Variants in MOK observed in about 807,000 individuals in gnomAD.
The protein encoded by MOK is MOK protein kinase, also known as MAPK/MAK/MRK overlapping kinase.
MOK carries 59 observed loss-of-function variants against 54.2 expected under a neutral mutation model. The observed-to-expected ratio is 1.09, with a 90% CI of 0.88 to 1.35. The LOEUF (loss-of-function observed/expected upper bound fraction) is 1.35. Among genes scored for constraint, MOK ranks in the 40% most tolerant of loss-of-function variants. MOK has a pLI of 0.00. For missense variants in MOK, 517 were observed against 526.2 expected (o/e 0.98, Z 0.17); for synonymous variants, 210 against 202.7 (o/e 1.04, Z -0.31).
At chr14:102,271,193 C>T (rs1189760491) in intron 2 of MOK, among the ~76,000 whole-genome samples, 1 of 152,100 alleles carries the variant, frequency 6.6e-6, no homozygotes, top group African/African-American at 2.4e-5. Flanking sequence ...TCAAAAGAAA[C>T]AAAAGGAAAT....
intron 2 of MOK, among the ~76,000 whole-genome samples, chr14:102,282,816 C>T (rs1313531477): frequency 6.6e-6 from 1 of 151,918 alleles, no homozygotes; most frequent in Non-Finnish European, 1.5e-5. Context: ...CTTTGGAAGG[C>T]CAAGGCGGGC....
chr14:102,229,618 G>A lies in MOK; in HGVS notation c.1021C>T (p.Arg341Ter). The change falls in exon 11 of 12, where the codon CGA becomes TGA. Residue 341 changes from arginine to a stop codon, truncating the protein, a stop_gained. Transcript: ENST00000361847. LOFTEE classifies it high-confidence loss of function. ...AGTTCCATGACATAGGCCGGTCCTC[G>A]TCTCTTGGGACGGTCCTCCTCTTGC... is the stretch of plus-strand genomic sequence containing the variant. ...LKQEEDRPKR[R>*]GPAYVMELPK... The A allele has an allele frequency of 5.0e-6, 8 of 1,614,080 alleles. No individual in the cohort carries two copies. The highest frequency in any genetic ancestry group is 2.2e-5 in the South Asian group (2 of 91,066).
chr14:102,222,535 T>C (rs546683192), downstream of MOK, among the ~76,000 whole-genome samples: 1 of 152,242 alleles, frequency 6.6e-6, no homozygotes, highest in African/African-American at 2.4e-5. The surrounding 1 kb of genome is among the most constrained non-coding windows in gnomAD (Gnocchi z 4.4). Flanking sequence ...AAGAACCTGT[T>C]CTCAGGTGCT....
At chr14:102,222,911 C>G (rs1332456225), downstream of MOK, 1 of 1,613,636 alleles carries the variant, frequency 6.2e-7, no homozygotes, top group Non-Finnish European at 8.5e-7. The surrounding 1 kb of genome is among the most constrained non-coding windows in gnomAD (Gnocchi z 4.4). Flanking sequence ...GCACAGTCTC[C>G]CGGGACTTGG....
At chr14:102,272,475 A>G (rs958683690) in intron 2 of MOK, among the ~76,000 whole-genome samples, 1 of 151,832 alleles carries the variant, frequency 6.6e-6, no homozygotes, top group African/African-American at 2.4e-5. Context: ...AGACTCCATC[A>G]CGAAAAAAAA....
chr14:102,302,626 G>A (rs1467798822), intron 1 of MOK, among the ~76,000 whole-genome samples: 1 of 151,426 alleles, frequency 6.6e-6, no homozygotes. Flanking sequence ...CGTGTTAGCT[G>A]GGATGGTATT....
At chr14:102,222,501 C>T (rs377062354), downstream of MOK, among the ~76,000 whole-genome samples, 1 of 152,352 alleles carries the variant, frequency 6.6e-6, no homozygotes, top group Admixed American at 6.5e-5. The surrounding 1 kb of genome is among the most constrained non-coding windows in gnomAD (Gnocchi z 4.4). Flanking sequence ...GAGGCACCTG[C>T]ACCTTTGGGT....
intron 7 of MOK, among the ~76,000 whole-genome samples, chr14:102,246,520 C>T (rs2066104480): frequency 6.6e-6 from 1 of 152,150 alleles, no homozygotes; most frequent in African/African-American, 2.4e-5. Flanking sequence ...AACTCCAATT[C>T]CTCTCTGGCA....
At chr14:102,257,078 C>T (rs2067024313) in intron 4 of MOK, among the ~76,000 whole-genome samples, 1 of 151,158 alleles carries the variant, frequency 6.6e-6, no homozygotes, top group Non-Finnish European at 1.5e-5. Flanking sequence ...TTGGCTTGCT[C>T]AGGTCCTATC....
At chr14:102,250,741 G>A in intron 7 of MOK, 71 bp downstream of exon 7, 2 of 1,444,484 alleles carry the variant, frequency 1.4e-6, no homozygotes, top group Non-Finnish European at 1.9e-6. Context: ...GGATTGTAAA[G>A]GAAGGAGCAC....
At chr14:102,224,873 C>T, downstream of MOK, 2 of 445,410 alleles carry the variant, frequency 4.5e-6, no homozygotes, top group South Asian at 3.2e-5. Flanking sequence ...TAGACACATG[C>T]AGAGTGACCT....
At chr14:102,264,928 T>C (rs868653981) in intron 3 of MOK, among the ~76,000 whole-genome samples, 2 of 152,162 alleles carry the variant, frequency 1.3e-5, no homozygotes, top group South Asian at 2.1e-4. Flanking sequence ...CAAAACCCTG[T>C]AGCCTGACTC....
chr14:102,263,557 T>A lies in MOK; in HGVS notation c.272A>T (p.Glu91Val). Residue 91 changes from glutamate (E) to valine (V), a missense_variant, in exon 4 of 12, where the codon GAG becomes GTG. Glu to Val is a moderately radical substitution (Grantham distance 121, BLOSUM62 -2). Transcript: ENST00000361847. ...ATTATTCTACGTACCTCGTATTAGC[T>A]CATAAATATTCATGTCCATAAGTTC... is the stretch of plus-strand genomic sequence containing the variant. ...ICELMDMNIY[E>V]LIRGRRYPLS... The A allele has an allele frequency of 6.2e-7, 1 of 1,603,314 alleles. No individual in the cohort carries two copies. The highest frequency in any genetic ancestry group is 8.5e-7 in the Non-Finnish European group (1 of 1,174,240).
intron 1 of MOK, among the ~76,000 whole-genome samples, chr14:102,286,158 G>T (rs972758110): frequency 5.8e-4 from 88 of 151,664 alleles, no homozygotes; most frequent in African/African-American, 1.9e-3. Context: ...AATTAGCCGG[G>T]CGTGGTGGCG....
intron 7 of MOK, chr14:102,237,892 A>C (rs945142000): frequency 2.0e-5 from 3 of 152,208 alleles, no homozygotes; most frequent in African/African-American, 7.2e-5. Context: ...CAGTCCTCAT[A>C]ATCTACAGGA....
chr14:102,302,818 G>T (rs9743505), intron 1 of MOK, among the ~76,000 whole-genome samples: 32,000 of 150,970 alleles, frequency 0.21, 4,803 homozygotes, highest in African/African-American at 0.43. Context: ...AATATATATA[G>T]AGAGAGTAAA....
intron 3 of MOK, among the ~76,000 whole-genome samples, 184 bp downstream of exon 3, chr14:102,265,639 T>C (rs2067839665): frequency 6.6e-6 from 1 of 151,614 alleles, no homozygotes; most frequent in Admixed American, 6.6e-5. Flanking sequence ...TCTCAAAAAA[T>C]AATAATAAAA....
intron 1 of MOK, among the ~76,000 whole-genome samples, chr14:102,292,433 A>C (rs1307584373): frequency 6.6e-6 from 1 of 152,136 alleles, no homozygotes; most frequent in Non-Finnish European, 1.5e-5. Context: ...AGATAGCACC[A>C]CTGCACTCTA....
chr14:102,251,094 T>C (rs1217846486), intron 6 of MOK, 104 bp from the exon 7 acceptor site: 6 of 1,232,636 alleles, frequency 4.9e-6, no homozygotes. Context: ...TACTAGCATC[T>C]AAAGTAGTCT....
Sources: allele counts gnomAD v4.1 joint callset (sites outside exome capture counted in the v4.1 genomes callset), GRCh38; gene constraint gnomAD v4.1.1; non-coding constraint Gnocchi (gnomAD v3.1); transcripts MANE v1.5; gene names NCBI Gene and HGNC (gene_info 2026-07-23, HGNC 2026-07-21).